CACNA1H: variants seen among roughly 807,000 people sequenced by gnomAD.
CACNA1H encodes the protein calcium voltage-gated channel subunit alpha1 H, also known as voltage-dependent T-type calcium channel subunit alpha-1H.
In CACNA1H, 149 loss-of-function variants were observed where a neutral mutation model predicts 192.5. That is an observed-to-expected ratio of 0.77 (90% confidence interval 0.68 to 0.89). The LOEUF is 0.89. Ranked by LOEUF, CACNA1H falls within the 40% of genes least tolerant of loss-of-function variation. CACNA1H has a pLI of 0.00. For missense variants in CACNA1H, 4,257 were observed against 3,423.5 expected (o/e 1.24, Z -6.08); for synonymous variants, 2,202 against 1,475.2 (o/e 1.49, Z -11.29).
intron 26 of CACNA1H, 70 bp from the exon 27 acceptor site, chr16:1,213,710 A>G: frequency 8.0e-7 from 1 of 1,246,480 alleles, no homozygotes; most frequent in Non-Finnish European, 1.1e-6. Flanking sequence ...TAGGAGGAGA[A>G]TGGAGTCTGC....
rs761671882 is a variant in CACNA1H, at chr16:1,201,667, G to T, written c.1217G>T (p.Gly406Val). 1 of 1,594,592 alleles carries T rather than the reference G, an allele frequency of 6.3e-7. No homozygotes were observed. The highest frequency in any genetic ancestry group is 8.6e-7 in the Non-Finnish European group (1 of 1,168,690). Residue 406 changes from glycine (G) to valine (V), a missense_variant, in exon 9 of 35, where the codon GGC (glycine) becomes GTC (valine). Transcript: ENST00000348261. The stretch of plus-strand genomic sequence containing the variant: ...ACCCGCCCGCCCCCGTCACAGGTGG[G>T]CTCCTTCTTCATGATCAACCTGTGC... Reference protein sequence around the residue: ...FIYFILLIIVGSFFMINLCLV... With the variant: ...FIYFILLIIVVSFFMINLCLV...
Position 1,207,812 on chromosome 16 carries a change from G to T in CACNA1H, c.3106G>T (p.Val1036Phe), listed in dbSNP as rs1447945018. The change falls in exon 15 of 35, where the codon GTC becomes TTC. Residue 1036 changes from valine to phenylalanine, a missense_variant. By Grantham distance (50) the Val-to-Phe change is conservative. Transcript: ENST00000348261. ...RSDTDEDKTSVHFEEDFHKLR... is the reference protein window; with the variant it reads ...RSDTDEDKTSFHFEEDFHKLR... Reference sequence around the variant, plus strand: ...CGACACGGACGAGGACAAGACGTCGGTCCACTTCGAGGAGGACTTCCACAA... The same window carrying T: ...CGACACGGACGAGGACAAGACGTCGTTCCACTTCGAGGAGGACTTCCACAA... 4 of 1,603,068 alleles carry T rather than the reference G, an allele frequency of 2.5e-6. No homozygotes were observed. The highest frequency in any genetic ancestry group is 3.4e-6 in the Non-Finnish European group (4 of 1,175,146).
chr16:1,221,010 C>T lies in CACNA1H; in HGVS notation c.*16C>T, dbSNP rs756204267. ...CCCCGTGTAGCTCGGGGCTTGGTGC[C>T]GCCCACGGCTTTGGCCCTGGGGTCT... On this transcript the variant is annotated 3_prime_UTR_variant, in exon 35 of 35. Transcript: ENST00000348261. 25 of 1,541,372 alleles carry T rather than the reference C, an allele frequency of 1.6e-5. No individual in the cohort carries two copies. The highest frequency in any genetic ancestry group is 6.2e-5 in the Admixed American group (3 of 48,284).
chr16:1,190,646 TG>T (rs1237202552), intron 2 of CACNA1H, among the ~76,000 whole-genome samples: 2 of 152,236 alleles, frequency 1.3e-5, no homozygotes, highest in African/African-American at 4.8e-5. Context: ...GAGGCCTCCT[TG>T]GGGCCCCCCA....
chr16:1,194,962 G>C lies in CACNA1H; in HGVS notation c.300-10G>C, dbSNP rs756745629. ...GCCGCGCCGGTGTGCTCCTTAACCC[G>C]CGGCGACACATGGTTCGAGCACGTG... On this transcript the variant is annotated splice_polypyrimidine_tract_variant and intron_variant, in intron 2 of 34. Coordinates refer to ENST00000348261, the MANE Select transcript of CACNA1H (RefSeq NM_021098.3). The C allele has an allele frequency of 1.9e-6, 3 of 1,602,040 alleles. No individual in the cohort carries two copies. The highest frequency in any genetic ancestry group is 4.5e-5 in the East Asian group (2 of 44,792).
intron 2 of CACNA1H, among the ~76,000 whole-genome samples, chr16:1,165,316 C>A (rs1963646791): frequency 6.6e-6 from 1 of 152,176 alleles, no homozygotes; most frequent in African/African-American, 2.4e-5. Context: ...ATCGGCAGAC[C>A]CAGACCCCAG....
chr16:1,153,858 G>C lies in CACNA1H; in HGVS notation c.121G>C (p.Glu41Gln). 2 of 1,364,680 alleles carry C rather than the reference G, an allele frequency of 1.5e-6. No individual in the cohort carries two copies. The highest frequency in any genetic ancestry group is 3.0e-5 in the African/African-American group (2 of 65,802). The allele number at this position is 1,364,680 out of a possible 1,614,324, so 84.5% of individuals were successfully genotyped here. The change falls in exon 2 of 35, where the codon GAG becomes CAG. Residue 41 changes from glutamate (E) to glutamine (Q), a missense_variant. Coordinates refer to ENST00000348261, the MANE Select transcript of CACNA1H (RefSeq NM_021098.3). ...ESPGAPGREA[E>Q]RGSELGVSPS... Reference sequence around the variant, plus strand: ...CCCCGGGGCGCCGGGACGCGAGGCGGAGCGGGGGTCCGAGCTCGGCGTGTC... The same window carrying C: ...CCCCGGGGCGCCGGGACGCGAGGCGCAGCGGGGGTCCGAGCTCGGCGTGTC...
intron 2 of CACNA1H, among the ~76,000 whole-genome samples, chr16:1,158,856 C>T (rs955769165): frequency 2.7e-5 from 4 of 148,302 alleles, no homozygotes; most frequent in Admixed American, 6.7e-5. Context: ...GGGCCCCGCT[C>T]AGCCCGCACC....
At chr16:1,202,957 G>T (rs776117009) in intron 9 of CACNA1H, among the ~76,000 whole-genome samples, 4 of 152,188 alleles carry the variant, frequency 2.6e-5, no homozygotes, top group Admixed American at 6.5e-5. Context: ...TGCGGGGCCT[G>T]GGCCTCTGTC....
chr16:1,220,066 C>G lies in CACNA1H; in HGVS notation c.6134C>G (p.Pro2045Arg). ...LDPAEPGEKT[P>R]VRPVTQGGSL... ...CCTGCAGAGCCTGGTGAGAAAACCC[C>G]GGTGAGGCCGGTGACCCAGGGGGGC... is the stretch of plus-strand genomic sequence containing the variant. The change falls in exon 35 of 35, where the codon CCG becomes CGG. Residue 2045 changes from proline to arginine, a missense_variant. Transcript: ENST00000348261. 7.0e-7 allele frequency: 1 copy of G among 1,434,312 alleles called. No homozygotes were observed. Among genetic ancestry groups the G allele is most frequent in the African/African-American group, 1.5e-5 (1 of 67,054 alleles). The allele number at this position is 1,434,312 out of a possible 1,614,324, so 88.8% of individuals were successfully genotyped here.
rs773426617 is a variant in CACNA1H at position 1,220,769 on chromosome 16, C to A, written c.6837C>A (p.Asp2279Glu). The change falls in exon 35 of 35, where the codon GAC becomes GAA. Residue 2279 changes from aspartate (D) to glutamate (E), a missense_variant. Transcript: ENST00000348261. ...EPLDLGVPSG[D>E]PFLDGSHSVT... ...TGGACCTCGGGGTCCCCAGTGGAGA[C>A]CCTTTCTTGGACGGTAGCCACAGTG... is the stretch of plus-strand genomic sequence containing the variant. The A allele has an allele frequency of 2.5e-6, 4 of 1,612,660 alleles. No homozygotes were observed. The highest frequency in any genetic ancestry group is 2.5e-6 in the Non-Finnish European group (3 of 1,179,778).
chr16:1,216,832 G>A (rs961438086), intron 30 of CACNA1H, 100 bp from the exon 31 acceptor site: 41 of 929,104 alleles, frequency 4.4e-5, no homozygotes, highest in Non-Finnish European at 6.5e-5. Flanking sequence ...AAGAAGGTGG[G>A]CAGGTGGGGT....
At position 1,215,556 on chromosome 16, in the gene CACNA1H, G is replaced by A. The variant is rs3889063; in HGVS notation, c.5207G>A (p.Arg1736His). The change falls in exon 30 of 35, where the codon CGC becomes CAC. Residue 1736 changes from arginine to histidine, a missense_variant. By Grantham distance (29) the Arg-to-His change is conservative. Coordinates refer to ENST00000348261, the MANE Select transcript of CACNA1H (RefSeq NM_021098.3). ...CTGCTGAAGATGGCTACGGGCATGC[G>A]CGCCCTGCTGGACACTGTGGTGCAA... Reference protein sequence around the residue: ...LKLLKMATGMRALLDTVVQAL... With the variant: ...LKLLKMATGMHALLDTVVQAL... 72 of 1,611,770 alleles carry A rather than the reference G, an allele frequency of 4.5e-5. No individual in the cohort carries two copies. The highest frequency in any genetic ancestry group is 5.2e-5 in the Non-Finnish European group (61 of 1,179,578).
chr16:1,154,022 G>C lies in CACNA1H; in HGVS notation c.285G>C (p.Arg95=), dbSNP rs1311814451. The change falls in exon 2 of 35, where the codon CGG becomes CGC. Residue 95 remains arginine (R), a synonymous_variant. Coordinates refer to ENST00000348261, the MANE Select transcript of CACNA1H (RefSeq NM_021098.3). The part of the protein sequence containing the change: ...QTTRPRSWCL[R]LVCNPWFEHV... ...CGCGGCCGCGCAGCTGGTGCCTCCG[G>C]CTGGTCTGCAACCCATATCCTTCCC... is the stretch of plus-strand genomic sequence containing the variant. 3.6e-6 allele frequency: 5 copies of C among 1,383,180 alleles called. No homozygotes were observed. In the African/African-American group the frequency reaches 6.1e-5, roughly 17 times the overall value. 85.7% of individuals were successfully genotyped at this position (1,383,180 alleles called of 1,614,324 possible).
At chr16:1,159,681 G>C (rs1962926041) in intron 2 of CACNA1H, 1 of 152,650 alleles carries the variant, frequency 6.6e-6, no homozygotes. Flanking sequence ...GTCGATGAGA[G>C]AGACGGGGCT....
chr16:1,153,643 G>T, intron 1 of CACNA1H, 77 bp from the exon 2 acceptor site: 5 of 964,914 alleles, frequency 5.2e-6, no homozygotes, highest in Non-Finnish European at 6.6e-6. Flanking sequence ...GGCCGCGGCT[G>T]TTCCCGCAGC....
At chr16:1,199,648 A>T (rs1400365454) in intron 6 of CACNA1H, among the ~76,000 whole-genome samples, 2 of 138,312 alleles carry the variant, frequency 1.4e-5, no homozygotes, top group Non-Finnish European at 3.1e-5. Context: ...CTCAGCCCTC[A>T]CCCCGGGGTC....
rs929102007 is a variant in CACNA1H, at chr16:1,180,585, G to A, written c.300-14387G>A. On this transcript the variant is annotated intron_variant, in intron 2 of 34. Coordinates refer to ENST00000348261, the MANE Select transcript of CACNA1H (RefSeq NM_021098.3). This position sits in a 1 kb window ranked among gnomAD's most constrained non-coding sequence, Gnocchi z 4.4. ...TCACAGCCAGGCCGTGGGGGGGCCA[G>A]GGAGGAGGGGCTGCTCTCCATAGTG... Among the ~76,000 whole-genome samples the A allele has an allele frequency of 2.0e-5, 3 of 152,188 alleles. No individual in the cohort carries two copies. Among genetic ancestry groups the A allele is most frequent in the African/African-American group, 7.2e-5 (3 of 41,450 alleles).
At chr16:1,182,911 C>G (rs1443248376) in intron 2 of CACNA1H, among the ~76,000 whole-genome samples, 1 of 152,128 alleles carries the variant, frequency 6.6e-6, no homozygotes, top group African/African-American at 2.4e-5. Flanking sequence ...GAGAGCTCCC[C>G]AGGTCAGGAG....
Sources: gnomAD v4.1 joint callset for allele counts (sites outside exome capture counted in the v4.1 genomes callset) on GRCh38, gnomAD v4.1.1 for gene constraint, Gnocchi (gnomAD v3.1) non-coding constraint, MANE v1.5 for transcripts, NCBI Gene and HGNC (gene_info 2026-07-23, HGNC 2026-07-21) for gene names.